STK11: variants seen among roughly 807,000 people sequenced by gnomAD.
STK11 encodes the protein serine/threonine-protein kinase STK11.
Under a neutral mutation model 47.3 loss-of-function variants are expected in STK11, and 8 were observed. That is an observed-to-expected ratio of 0.17 (90% CI 0.10 to 0.31). The LOEUF (loss-of-function observed/expected upper bound fraction) is 0.31, where lower values mean the gene tolerates loss of function less well. Among genes scored for constraint, STK11 ranks in the 10% least tolerant of loss-of-function variants. The pLI is 1.00. For missense variants in STK11, 475 were observed against 605.0 expected (o/e 0.79, Z 2.25); for synonymous variants, 330 against 255.8 (o/e 1.29, Z -2.77).
chr19:1,223,473 G>C (rs1197689865), intron 8 of STK11, among the ~76,000 whole-genome samples: 2 of 152,218 alleles, frequency 1.3e-5, no homozygotes, highest in Non-Finnish European at 2.9e-5. Context: ...CTGAGTCCCA[G>C]CAGGAGCAGG....
Position 1,227,985 on chromosome 19 carries a change from C to T in STK11, c.*409C>T. The T allele has an allele frequency of 9.4e-7, 1 of 1,068,896 alleles. No individual in the cohort carries two copies. Among genetic ancestry groups the T allele is most frequent in the South Asian group, 4.5e-5 (1 of 22,016 alleles). The allele number at this position is 1,068,896 out of a possible 1,614,324, so 66.2% of individuals were successfully genotyped here. A position where few individuals can be genotyped will look rare whatever the true frequency, so the allele number is the denominator to read the frequency against. ...GTGGAGACCAGGCTCCTGACCCCGC[C>T]ATGCATGCAGCGCCACCTGGAAGCC... is the stretch of plus-strand genomic sequence containing the variant. On this transcript the variant is annotated 3_prime_UTR_variant, in exon 10 of 10. Transcript: ENST00000326873.
intron 7 of STK11, 115 bp from the exon 8 acceptor site, chr19:1,222,844 GTGGTCACAGCCACCCCTTGCACGGCC>G (rs2080794634): frequency 1.1e-6 from 1 of 952,066 alleles, no homozygotes; most frequent in African/African-American, 1.7e-5. Flanking sequence ...CTGAGCTTCT[GTGGTCACAGCCACCCCTTGCACGGCC>G]TGGTCCCAGC....
At chr19:1,222,163 G>T (rs1599928527) in intron 7 of STK11, among the ~76,000 whole-genome samples, 157 bp downstream of exon 7, 1 of 152,198 alleles carries the variant, frequency 6.6e-6, no homozygotes, top group Non-Finnish European at 1.5e-5. Context: ...GCCCGAGTGG[G>T]GTCTCTGGGC....
Position 1,228,247 on chromosome 19 carries a change from C to A in STK11, c.*671C>A. ...CCTCACCTCTCCCCCAAGGCCACTG[C>A]GCTCTTGGGACCCCAGAGAAAACCC... On this transcript the variant is annotated 3_prime_UTR_variant, in exon 10 of 10. Transcript: ENST00000326873. The A allele has an allele frequency of 1.9e-6, 1 of 524,318 alleles. No individual in the cohort carries two copies. The highest frequency in any genetic ancestry group is 2.6e-6 in the Non-Finnish European group (1 of 384,776). 32.5% of individuals were successfully genotyped at this position (524,318 alleles called of 1,614,324 possible).
chr19:1,220,150 T>G, intron 3 of STK11: 1 of 541,172 alleles, frequency 1.8e-6, no homozygotes, highest in Non-Finnish European at 3.2e-6. Context: ...CCTGTGGACA[T>G]CCGGGGCCCT....
rs1291049050 is a variant in STK11, at chr19:1,206,234, C to T, written c.-680C>T. The T allele has an allele frequency of 5.2e-6, 1 of 193,216 alleles. No individual in the cohort carries two copies. The allele number at this position is 193,216 out of a possible 1,614,324, so 12.0% of individuals were successfully genotyped here. The stretch of plus-strand genomic sequence containing the variant: ...CGCGGGCGCCGGGCAGCGACCAGCC[C>T]TGAGCGGAGCTGTTGGCCGCGGCGG... On this transcript the variant is annotated 5_prime_UTR_variant, in exon 1 of 10. Transcript: ENST00000326873.
At chr19:1,211,768 G>A (rs1463996354) in intron 1 of STK11, among the ~76,000 whole-genome samples, 1 of 152,276 alleles carries the variant, frequency 6.6e-6, no homozygotes, top group Admixed American at 6.5e-5. Flanking sequence ...CCCCCGCGGT[G>A]TCCAGCCAGG....
At chr19:1,214,311 C>T (rs191569548) in intron 1 of STK11, among the ~76,000 whole-genome samples, 15 of 152,348 alleles carry the variant, frequency 9.8e-5, no homozygotes, top group Admixed American at 8.5e-4. Flanking sequence ...GGGGGACGCA[C>T]GTGCCTGCGC....
At chr19:1,218,393 AC>A (rs1260822277) in intron 1 of STK11, 23 bp from the exon 2 acceptor site, 1 of 1,604,988 alleles carries the variant, frequency 6.2e-7, no homozygotes. Context: ...GTCGGCTGAT[AC>A]ACCCCTGTCC....
chr19:1,226,837 C>T (rs934699824), intron 9 of STK11, 174 bp downstream of exon 9: 1 of 785,874 alleles, frequency 1.3e-6, no homozygotes, highest in African/African-American at 1.8e-5. Flanking sequence ...AGGGTGCCGT[C>T]TCGGGGCCTG....
chr19:1,218,297 T>C, intron 1 of STK11, 120 bp from the exon 2 acceptor site: 1 of 823,706 alleles, frequency 1.2e-6, no homozygotes, highest in South Asian at 1.5e-5. Context: ...TCACAGCTTC[T>C]CTCTAGGGAA....
chr19:1,219,612 C>A (rs2080768604), intron 3 of STK11, among the ~76,000 whole-genome samples, 199 bp downstream of exon 3: 1 of 152,016 alleles, frequency 6.6e-6, no homozygotes, highest in African/African-American at 2.4e-5. Context: ...ATGGTGCGAT[C>A]TCGGCTCACT....
intron 6 of STK11, chr19:1,221,640 G>C: frequency 1.7e-6 from 1 of 587,040 alleles, no homozygotes; most frequent in Non-Finnish European, 3.0e-6. Flanking sequence ...GGGTTGTCCT[G>C]CTGCACTTCC....
In STK11 at chr19:1,226,638, G is replaced by A. The variant is rs1060503787; in HGVS notation, c.1293G>A (p.Lys431=). 6.5e-7 allele frequency: 1 copy of A among 1,535,252 alleles called. No homozygotes were observed. Among genetic ancestry groups the A allele is most frequent in the Non-Finnish European group, 8.8e-7 (1 of 1,141,498 alleles). The change falls in exon 9 of 10, where the codon AAG becomes AAA. Residue 431 remains lysine (K), a synonymous_variant. Transcript: ENST00000326873. ...AGATCCGCCGGCTGTCGGCCTGCAA[G>A]CAGCAGTGAGGCTGGCCGCCTGCAG... is the stretch of plus-strand genomic sequence containing the variant. ...SSKIRRLSAC[K]QQ is the part of the protein sequence containing the mutation.
intron 1 of STK11, among the ~76,000 whole-genome samples, chr19:1,208,739 TC>T (rs1472283124): frequency 7.2e-6 from 1 of 139,642 alleles, no homozygotes; most frequent in African/African-American, 2.7e-5. Flanking sequence ...TGCCTCAGCC[TC>T]CCGAGTAGCT....
In STK11 at chr19:1,220,427, G is replaced by A. The variant is rs2145424320; in HGVS notation, c.519G>A (p.Val173=). ...AGTACCTGCATAGCCAGGGCATTGTGCACAAGGACATCAAGCCGGGGAACC... is the reference window on the plus strand; with the variant it reads ...AGTACCTGCATAGCCAGGGCATTGTACACAAGGACATCAAGCCGGGGAACC... The part of the protein sequence containing the change: ...GLEYLHSQGI[V]HKDIKPGNLL... Residue 173 remains valine, a synonymous_variant, in exon 4 of 10, where the codon GTG becomes GTA. Coordinates refer to ENST00000326873, the MANE Select transcript of STK11 (RefSeq NM_000455.5). 6.2e-7 allele frequency: 1 copy of A among 1,606,600 alleles called. No homozygotes were observed. The highest frequency in any genetic ancestry group is 8.5e-7 in the Non-Finnish European group (1 of 1,177,072).
intron 2 of STK11, among the ~76,000 whole-genome samples, 180 bp from the exon 3 acceptor site, chr19:1,219,144 C>G (rs2080763835): frequency 6.6e-6 from 1 of 152,106 alleles, no homozygotes; most frequent in African/African-American, 2.4e-5. Context: ...GCTCCTTCCT[C>G]CTGGGACGCT....
rs2080668095 is a variant in STK11 at position 1,206,756 on chromosome 19, T to TG, written c.-156dup. On this transcript the variant is annotated 5_prime_UTR_variant, in exon 1 of 10. Transcript: ENST00000326873. Reference sequence around the variant, plus strand: ...TGACGTGTAGAACAATCGTTTCTGTTGGAAGAAGGGTTTTTCCCTTCCTTT... The same window carrying TG: ...TGACGTGTAGAACAATCGTTTCTGTTGGGAAGAAGGGTTTTTCCCTTCCTTT... The TG allele has an allele frequency of 1.0e-6, 1 of 979,974 alleles. No homozygotes were observed. The highest frequency in any genetic ancestry group is 1.5e-6 in the Non-Finnish European group (1 of 686,278). The allele number at this position is 979,974 out of a possible 1,614,324, so 60.7% of individuals were successfully genotyped here.
intron 1 of STK11, among the ~76,000 whole-genome samples, chr19:1,218,192 C>T (rs1164580119): frequency 1.3e-5 from 2 of 152,180 alleles, no homozygotes; most frequent in South Asian, 2.1e-4. Context: ...CCTCGCCGGC[C>T]GATGACAGAC....
Sources: allele counts gnomAD v4.1 joint callset (sites outside exome capture counted in the v4.1 genomes callset), GRCh38; gene constraint gnomAD v4.1.1; transcripts MANE v1.5; gene names NCBI Gene and HGNC (gene_info 2026-07-23, HGNC 2026-07-21).